Variants in CAMK4 observed in about 807,000 individuals in gnomAD.
CAMK4 encodes calcium/calmodulin dependent protein kinase IV.
Under a neutral mutation model 44.9 loss-of-function variants are expected in CAMK4, and 22 were observed. The ratio of observed to expected loss-of-function variants is 0.49; its 90% CI spans 0.35 to 0.70. The LOEUF (loss-of-function observed/expected upper bound fraction) is 0.70, where lower values mean the gene tolerates loss of function less well. Among genes scored for constraint, CAMK4 ranks in the 30% least tolerant of loss-of-function variants. The pLI, the probability that CAMK4 is intolerant of heterozygous loss-of-function variation, is 0.01. For missense variants in CAMK4, 498 were observed against 586.8 expected (o/e 0.85, Z 1.56); for synonymous variants, 218 against 215.4 (o/e 1.01, Z -0.11).
chr5:111,383,717 G>A (rs757152123), intron 4 of CAMK4, among the ~76,000 whole-genome samples: 50 of 150,912 alleles, frequency 3.3e-4, no homozygotes, highest in East Asian at 3.9e-4. Flanking sequence ...CACCCACCTC[G>A]GCCTCCCAAA....
intron 2 of CAMK4, among the ~76,000 whole-genome samples, chr5:111,361,179 T>C (rs1302827478): frequency 1.3e-5 from 2 of 152,198 alleles, no homozygotes; most frequent in East Asian, 1.9e-4. Flanking sequence ...TAAGATGTAA[T>C]TGATGAAGCT....
At chr5:111,411,920 A>G (rs1329070674) in intron 5 of CAMK4, among the ~76,000 whole-genome samples, 1 of 152,212 alleles carries the variant, frequency 6.6e-6, no homozygotes, top group Non-Finnish European at 1.5e-5. Flanking sequence ...TTTTAAAAGC[A>G]TCTGCTCTGT....
chr5:111,360,246 T>C (rs550171542), intron 2 of CAMK4, among the ~76,000 whole-genome samples: 1 of 152,200 alleles, frequency 6.6e-6, no homozygotes, highest in African/African-American at 2.4e-5. Flanking sequence ...AGTTCATCTG[T>C]CTCTCAGAGC....
chr5:111,417,444 G>T (rs2112908673), intron 5 of CAMK4, among the ~76,000 whole-genome samples: 1 of 152,006 alleles, frequency 6.6e-6, no homozygotes, highest in East Asian at 1.9e-4. Flanking sequence ...TCAAACTCCT[G>T]ACCTCAAGTG....
chr5:111,358,518 TC>T (rs1237861279), intron 2 of CAMK4, among the ~76,000 whole-genome samples: 1 of 151,832 alleles, frequency 6.6e-6, no homozygotes, highest in Non-Finnish European at 1.5e-5. Flanking sequence ...TGGATGTTTT[TC>T]CCCGACACAA....
rs59808544 is a variant in CAMK4, at chr5:111,486,500, AACACACACACAC to A, written c.*2065_*2076del. On this transcript the variant is annotated 3_prime_UTR_variant, in exon 11 of 11. Coordinates refer to ENST00000282356, the MANE Select transcript of CAMK4 (RefSeq NM_001744.6). ...GTTGTACTTTTTACCATGAGACTGA[AACACACACACAC>A]ACACACACACACACACACACACACA... The A allele has an allele frequency of 1.7e-3, 176 of 103,650 alleles. No individual in the cohort carries two copies. The highest frequency in any genetic ancestry group is 3.8e-3 in the East Asian group (13 of 3,386). The allele number at this position is 103,650 out of a possible 1,614,324, so 6.4% of individuals were successfully genotyped here.
chr5:111,337,076 T>C (rs1042477610), intron 1 of CAMK4, among the ~76,000 whole-genome samples: 1 of 151,148 alleles, frequency 6.6e-6, no homozygotes, highest in African/African-American at 2.4e-5. Flanking sequence ...TATAAAATAG[T>C]TCTATCATGT....
chr5:111,234,284 G>T (rs1468075275), intron 1 of CAMK4, among the ~76,000 whole-genome samples: 1 of 152,008 alleles, frequency 6.6e-6, no homozygotes, highest in Non-Finnish European at 1.5e-5. Context: ...AGGGGAAGTG[G>T]GTACATACGT....
chr5:111,323,651 A>G (rs1216745027), intron 1 of CAMK4, among the ~76,000 whole-genome samples: 1 of 152,108 alleles, frequency 6.6e-6, no homozygotes, highest in East Asian at 1.9e-4. Flanking sequence ...CCAGAATTGT[A>G]TATCTTGTTA....
chr5:111,368,535 G>T lies in CAMK4; in HGVS notation c.241-6315G>T, dbSNP rs532310279. On this transcript the variant is annotated intron_variant, in intron 2 of 10. Coordinates refer to ENST00000282356, the MANE Select transcript of CAMK4 (RefSeq NM_001744.6). ...AAAGAGAACTGCCCCTGAGAGTATG[G>T]CTATTTAAGAAGCTCTCAGACTTCT... Among the ~76,000 whole-genome samples the T allele has an allele frequency of 7.2e-5, 11 of 152,226 alleles. No homozygotes were observed. In the South Asian group the frequency reaches 2.3e-3, roughly 32 times the overall value.
At chr5:111,373,588 T>A (rs1196654000) in intron 2 of CAMK4, among the ~76,000 whole-genome samples, 1 of 152,132 alleles carries the variant, frequency 6.6e-6, no homozygotes, top group Non-Finnish European at 1.5e-5. Context: ...TTGAAAGTTG[T>A]GATTGGTTAT....
intron 5 of CAMK4, 113 bp from the exon 6 acceptor site, chr5:111,446,573 A>C: frequency 1.6e-6 from 1 of 617,962 alleles, no homozygotes; most frequent in Non-Finnish European, 2.9e-6. Context: ...TTGTTAAGTC[A>C]TACTATGTGT....
At chr5:111,244,904 C>T (rs774401541) in intron 1 of CAMK4, among the ~76,000 whole-genome samples, 1 of 151,894 alleles carries the variant, frequency 6.6e-6, no homozygotes, top group Non-Finnish European at 1.5e-5. Flanking sequence ...TATAACATAA[C>T]ATAAAATAAA....
At chr5:111,442,557 T>C (rs1006199480) in intron 5 of CAMK4, among the ~76,000 whole-genome samples, 16 of 148,010 alleles carry the variant, frequency 1.1e-4, no homozygotes, top group Non-Finnish European at 1.8e-4. Flanking sequence ...CACACACACA[T>C]ACATACAGTG....
chr5:111,233,932 T>C (rs1477494544), intron 1 of CAMK4, among the ~76,000 whole-genome samples: 1 of 152,192 alleles, frequency 6.6e-6, no homozygotes, highest in Non-Finnish European at 1.5e-5. Flanking sequence ...TGTAATACAA[T>C]GAGGTGCTAG....
chr5:111,252,563 TC>T (rs1311493218), intron 1 of CAMK4, among the ~76,000 whole-genome samples: 4 of 152,136 alleles, frequency 2.6e-5, no homozygotes, highest in Non-Finnish European at 5.9e-5. Context: ...GTCTTATAGG[TC>T]CCAAAAGGAC....
At chr5:111,319,110 C>CTGGAGGTGAAG (rs1284125944) in intron 1 of CAMK4, among the ~76,000 whole-genome samples, 1 of 152,152 alleles carries the variant, frequency 6.6e-6, no homozygotes, top group Non-Finnish European at 1.5e-5. Flanking sequence ...GGCCTTCACC[C>CTGGAGGTGAAG]TCAAGTCACA....
intron 7 of CAMK4, among the ~76,000 whole-genome samples, chr5:111,458,984 T>TG (rs1356808371): frequency 2.0e-5 from 3 of 152,122 alleles, no homozygotes; most frequent in African/African-American, 7.2e-5. Flanking sequence ...GCTTGGGACT[T>TG]GTTAATTTCT....
At chr5:111,391,744 A>G (rs774527198) in intron 4 of CAMK4, among the ~76,000 whole-genome samples, 2 of 152,226 alleles carry the variant, frequency 1.3e-5, no homozygotes, top group African/African-American at 2.4e-5. Context: ...CTCTAAATTG[A>G]AAGATTATGC....
Sources: gnomAD v4.1 joint callset for allele counts (sites outside exome capture counted in the v4.1 genomes callset) on GRCh38, gnomAD v4.1.1 for gene constraint, MANE v1.5 for transcripts, NCBI Gene and HGNC (gene_info 2026-07-23, HGNC 2026-07-21) for gene names.